Variants in CDH2 observed in about 807,000 individuals in gnomAD.
CDH2 encodes the protein cadherin-2.
Under a neutral mutation model 92.0 loss-of-function variants are expected in CDH2, and 17 were observed. The ratio of observed to expected loss-of-function variants is 0.18; its 90% confidence interval spans 0.13 to 0.28. CDH2 has a LOEUF of 0.28. Among genes scored for constraint, CDH2 ranks in the 10% least tolerant of loss-of-function variants. CDH2 has a pLI of 1.00. For missense variants in CDH2, 862 were observed against 1,133.1 expected (o/e 0.76, Z 3.44); for synonymous variants, 419 against 415.9 (o/e 1.01, Z -0.09).
intron 2 of CDH2, among the ~76,000 whole-genome samples, chr18:28,061,553 G>A (rs2014402549): frequency 6.6e-6 from 1 of 152,116 alleles, no homozygotes; most frequent in African/African-American, 2.4e-5. Flanking sequence ...TGGTTGCAGT[G>A]AGCCAAGATT....
intron 15 of CDH2, among the ~76,000 whole-genome samples, chr18:27,952,683 A>G (rs1339061410): frequency 6.6e-6 from 1 of 152,160 alleles, no homozygotes; most frequent in African/African-American, 2.4e-5. Context: ...CAGAGAAGAA[A>G]GGATCTTAAA....
intron 2 of CDH2, among the ~76,000 whole-genome samples, chr18:28,072,280 T>G (rs2014632832): frequency 6.6e-6 from 1 of 152,126 alleles, no homozygotes; most frequent in Admixed American, 6.6e-5. Context: ...CACCTACCTG[T>G]CCACAACACT....
intron 2 of CDH2, among the ~76,000 whole-genome samples, chr18:28,086,043 C>T (rs951082603): frequency 2.6e-5 from 4 of 151,976 alleles, no homozygotes; most frequent in Admixed American, 6.6e-5. Flanking sequence ...ATTTAGTGAC[C>T]AGAATACAAG....
intron 6 of CDH2, among the ~76,000 whole-genome samples, chr18:27,933,228 CA>C (rs1359017795): frequency 1.3e-5 from 2 of 152,048 alleles, no homozygotes; most frequent in African/African-American, 4.8e-5. Context: ...TTAAATAAAC[CA>C]AACCAAAATG....
chr18:28,029,230 G>A (rs1022844557), intron 2 of CDH2, among the ~76,000 whole-genome samples: 2 of 152,010 alleles, frequency 1.3e-5, no homozygotes, highest in African/African-American at 4.8e-5. Flanking sequence ...AGCACAAGTA[G>A]TATATGGCAC....
At chr18:28,014,237 C>A (rs1002009973) in intron 2 of CDH2, among the ~76,000 whole-genome samples, 2 of 152,026 alleles carry the variant, frequency 1.3e-5, no homozygotes, top group African/African-American at 4.8e-5. Flanking sequence ...TACAAACTTC[C>A]ACTCACTCTT....
At chr18:28,116,288 C>A (rs2015494961) in intron 2 of CDH2, among the ~76,000 whole-genome samples, 1 of 152,122 alleles carries the variant, frequency 6.6e-6, no homozygotes, top group Non-Finnish European at 1.5e-5. Flanking sequence ...AGGGAGAGGC[C>A]ACTAGGCAAG....
chr18:28,004,476 A>G (rs1244269851), intron 6 of CDH2, among the ~76,000 whole-genome samples: 3 of 152,252 alleles, frequency 2.0e-5, no homozygotes, highest in Non-Finnish European at 4.4e-5. Context: ...GTCTACTTCT[A>G]GCAATAGCTG....
chr18:27,947,728 G>A (rs565501292), downstream of CDH2, among the ~76,000 whole-genome samples: 5 of 151,734 alleles, frequency 3.3e-5, no homozygotes, highest in South Asian at 8.3e-4. Context: ...AGTATGTGAT[G>A]TAAGCATATG....
chr18:28,026,536 T>C (rs2013558657), intron 2 of CDH2, among the ~76,000 whole-genome samples: 2 of 152,078 alleles, frequency 1.3e-5, no homozygotes, highest in Admixed American at 6.6e-5. Context: ...AGAACAACCA[T>C]AGCCTGACAT....
chr18:28,048,825 C>T (rs1599061712), intron 2 of CDH2, among the ~76,000 whole-genome samples: 1 of 152,054 alleles, frequency 6.6e-6, no homozygotes, highest in African/African-American at 2.4e-5. Context: ...TAGCAGCCTG[C>T]CATCAGACAT....
chr18:28,101,409 A>G (rs1480483710), intron 2 of CDH2, among the ~76,000 whole-genome samples: 1 of 152,086 alleles, frequency 6.6e-6, no homozygotes, highest in African/African-American at 2.4e-5. Flanking sequence ...CATCTGCCAT[A>G]ATGAAGTTAG....
At chr18:28,037,795 C>A (rs969834427) in intron 2 of CDH2, among the ~76,000 whole-genome samples, 1 of 152,058 alleles carries the variant, frequency 6.6e-6, no homozygotes, top group African/African-American at 2.4e-5. Flanking sequence ...AATATACAGG[C>A]TGAAATTACA....
At chr18:28,020,217 T>C (rs975427848) in intron 2 of CDH2, among the ~76,000 whole-genome samples, 2 of 152,100 alleles carry the variant, frequency 1.3e-5, no homozygotes, top group African/African-American at 2.4e-5. Context: ...TCAAGTTGTT[T>C]ATTTTACACA....
At chr18:27,983,149 G>T in intron 13 of CDH2, 66 bp from the exon 14 acceptor site, 1 of 1,257,996 alleles carries the variant, frequency 7.9e-7, no homozygotes, top group Non-Finnish European at 1.1e-6. Context: ...TTTAGTCACA[G>T]TATTCAGTAC....
intron 14 of CDH2, among the ~76,000 whole-genome samples, chr18:27,979,612 C>T (rs2011972520): frequency 6.6e-6 from 1 of 152,208 alleles, no homozygotes; most frequent in Admixed American, 6.5e-5. Context: ...GTAGTTAATT[C>T]TTCCAACAGA....
At chr18:28,019,075 C>T (rs2013335078) in intron 2 of CDH2, among the ~76,000 whole-genome samples, 1 of 151,804 alleles carries the variant, frequency 6.6e-6, no homozygotes, top group Non-Finnish European at 1.5e-5. Context: ...TGTTCTCGCT[C>T]ATAAGTGGGA....
chr18:28,149,287 G>C (rs1461770679), intron 1 of CDH2, among the ~76,000 whole-genome samples: 2 of 152,168 alleles, frequency 1.3e-5, no homozygotes, highest in Non-Finnish European at 2.9e-5. Flanking sequence ...CCATCAAAAG[G>C]AGAATGGACT....
intron 6 of CDH2, among the ~76,000 whole-genome samples, chr18:27,945,202 A>G (rs1008341597): frequency 2.0e-5 from 3 of 152,098 alleles, no homozygotes; most frequent in Non-Finnish European, 4.4e-5. Context: ...ACGATCAATG[A>G]AAAAGCAAGA....
Sources: gnomAD v4.1 joint callset for allele counts (sites outside exome capture counted in the v4.1 genomes callset) on GRCh38, gnomAD v4.1.1 for gene constraint, MANE v1.5 for transcripts, NCBI Gene and HGNC (gene_info 2026-07-23, HGNC 2026-07-21) for gene names.